Variants in LEPR observed in about 807,000 individuals in gnomAD.
The protein encoded by LEPR is OB receptor.
A neutral mutation model predicts 114.7 loss-of-function variants in LEPR; 56 were observed. The ratio of observed to expected loss-of-function variants is 0.49; its 90% CI spans 0.39 to 0.61. The LOEUF is 0.61. Among genes scored for constraint, LEPR ranks in the 20% least tolerant of loss-of-function variants. LEPR has a pLI of 0.00. For missense variants in LEPR, 1,202 were observed against 1,352.9 expected, an observed-to-expected ratio of 0.89 and a Z score of 1.75; for synonymous variants, 443 against 461.4, an observed-to-expected ratio of 0.96 and a Z score of 0.51.
At chr1:65,566,349 C>T (rs914131289) in intron 3 of LEPR, among the ~76,000 whole-genome samples, 2 of 151,908 alleles carry the variant, frequency 1.3e-5, no homozygotes, top group African/African-American at 2.4e-5. Flanking sequence ...ACTACAGGCA[C>T]GCGCCACCAT....
chr1:65,575,243 A>G (rs996165593), intron 5 of LEPR, among the ~76,000 whole-genome samples: 1 of 152,200 alleles, frequency 6.6e-6, no homozygotes, highest in African/African-American at 2.4e-5. Flanking sequence ...AGCAGAGGAG[A>G]ACTATGGTTT....
intron 12 of LEPR, 108 bp from the exon 13 acceptor site, chr1:65,609,839 C>T (rs1340035871): frequency 6.8e-7 from 1 of 1,468,320 alleles, no homozygotes; most frequent in Non-Finnish European, 9.5e-7. Context: ...AGAATCAGTT[C>T]TCTTAATTTT....
At chr1:65,514,879 C>T (rs1351059093) in intron 2 of LEPR, among the ~76,000 whole-genome samples, 2 of 152,078 alleles carry the variant, frequency 1.3e-5, no homozygotes, top group Non-Finnish European at 1.5e-5. Context: ...TAGGAAATAG[C>T]GAAACAACAT....
chr1:65,472,076 A>G (rs978055222), intron 2 of LEPR, among the ~76,000 whole-genome samples: 4 of 151,938 alleles, frequency 2.6e-5, no homozygotes, highest in Admixed American at 6.6e-5. Context: ...ACGTAGTAAA[A>G]TTTTTTTTGG....
chr1:65,529,188 A>C lies in LEPR; in HGVS notation c.-20-36358A>C, dbSNP rs779681754. 2.6e-5 allele frequency among the ~76,000 whole-genome samples: 4 copies of C among 152,132 alleles called. No individual in the cohort carries two copies. In the South Asian group the frequency reaches 8.3e-4, roughly 32 times the overall value. On this transcript the variant is annotated intron_variant, in intron 2 of 19. Transcript: ENST00000349533. ...GCTTAACATTATGTTTATGAGATTAAGGGATTTCTTCTCTCTCCTTTAAAA... is the reference window on the plus strand; with the variant it reads ...GCTTAACATTATGTTTATGAGATTACGGGATTTCTTCTCTCTCCTTTAAAA...
intron 2 of LEPR, among the ~76,000 whole-genome samples, chr1:65,426,262 GAAACCAC>G (rs578181376): frequency 1.1e-3 from 154 of 134,776 alleles, no homozygotes; most frequent in African/African-American, 5.7e-3. Flanking sequence ...GCCTTTTCAG[GAAACCAC>G]ACATGGTACA....
chr1:65,555,709 C>T (rs755428769), intron 2 of LEPR, among the ~76,000 whole-genome samples: 8 of 152,080 alleles, frequency 5.3e-5, no homozygotes, highest in Non-Finnish European at 1.2e-4. Flanking sequence ...TGTTTTCAAG[C>T]TATACTTGTT....
chr1:65,432,167 T>C, intron 2 of LEPR: 1 of 1,141,752 alleles, frequency 8.8e-7, no homozygotes, highest in Non-Finnish European at 1.1e-6. Flanking sequence ...GTCACGGTGC[T>C]CTCAGAAAAT....
In LEPR at chr1:65,565,665, T is replaced by C. The variant is rs1421364511; in HGVS notation, c.40+60T>C. ...TTAAACATGGTAGAGATTTTGCCTT[T>C]AGAGATGCTGTTTTATTTATTAGCT... On this transcript the variant is annotated intron_variant, in intron 3 of 19. Transcript: ENST00000349533. The C allele has an allele frequency of 5.7e-6, 9 of 1,583,654 alleles. No individual in the cohort carries two copies. In the African/African-American group the frequency reaches 1.1e-4, roughly 19 times the overall value.
intron 5 of LEPR, among the ~76,000 whole-genome samples, chr1:65,579,682 T>A (rs1570741904): frequency 6.6e-6 from 1 of 152,350 alleles, no homozygotes; most frequent in South Asian, 2.1e-4. Context: ...CAATTTCTGA[T>A]CTTATCAGCA....
intron 7 of LEPR, 146 bp downstream of exon 7, chr1:65,596,739 T>A (rs1656091677): frequency 1.3e-5 from 9 of 712,528 alleles, no homozygotes; most frequent in Non-Finnish European, 2.1e-5. Context: ...ATATTATATA[T>A]CATATATAGA....
chr1:65,507,673 A>G (rs1469602781), intron 2 of LEPR, among the ~76,000 whole-genome samples: 1 of 151,896 alleles, frequency 6.6e-6, no homozygotes, highest in Non-Finnish European at 1.5e-5. Flanking sequence ...TCTCTTTGAC[A>G]TATGATTTCA....
At chr1:65,540,142 T>TGG (rs1293603580) in intron 2 of LEPR, among the ~76,000 whole-genome samples, 9 of 152,160 alleles carry the variant, frequency 5.9e-5, no homozygotes, top group Non-Finnish European at 1.3e-4. Flanking sequence ...CAGACCAAAA[T>TGG]GGCCTCTCCT....
intron 5 of LEPR, among the ~76,000 whole-genome samples, chr1:65,591,139 T>G (rs1655668234): frequency 6.6e-6 from 1 of 152,110 alleles, no homozygotes; most frequent in Non-Finnish European, 1.5e-5. Context: ...TCCAACTATT[T>G]AGGGCCTTTC....
intron 5 of LEPR, chr1:65,577,114 T>A (rs572474432): frequency 1.1e-5 from 2 of 177,772 alleles, no homozygotes; most frequent in Non-Finnish European, 2.4e-5. Flanking sequence ...TTGGCACTAA[T>A]GATATCAATC....
chr1:65,501,621 G>T (rs1385111533), intron 2 of LEPR, among the ~76,000 whole-genome samples: 2 of 151,790 alleles, frequency 1.3e-5, no homozygotes, highest in East Asian at 3.9e-4. Context: ...CACATCTTTT[G>T]GGGGGATACA....
intron 2 of LEPR, among the ~76,000 whole-genome samples, chr1:65,543,860 G>T (rs1651428504): frequency 1.3e-5 from 2 of 151,974 alleles, no homozygotes; most frequent in Non-Finnish European, 2.9e-5. Flanking sequence ...TGCTGTCTTG[G>T]TTACTGTAGC....
At chr1:65,550,438 G>T (rs936093350) in intron 2 of LEPR, among the ~76,000 whole-genome samples, 2 of 152,226 alleles carry the variant, frequency 1.3e-5, no homozygotes, top group Non-Finnish European at 2.9e-5. Flanking sequence ...ACAGAGGCAG[G>T]CAGGCCTCCT....
chr1:65,626,730 C>T (rs187788773), intron 19 of LEPR, among the ~76,000 whole-genome samples: 3 of 152,090 alleles, frequency 2.0e-5, no homozygotes, highest in African/African-American at 2.4e-5. Context: ...GCAGCCTCGA[C>T]GTCCTTGGGC....
Sources: gnomAD v4.1 joint callset for allele counts (sites outside exome capture counted in the v4.1 genomes callset) on GRCh38, gnomAD v4.1.1 for gene constraint, MANE v1.5 for transcripts, NCBI Gene and HGNC (gene_info 2026-07-23, HGNC 2026-07-21) for gene names.